Variants in CHCHD6 observed in about 807,000 individuals in gnomAD.
CHCHD6 encodes the protein coiled-coil-helix-coiled-coil-helix domain containing 6.
In CHCHD6, 28 loss-of-function variants were observed where a neutral mutation model predicts 32.3. That is an observed-to-expected ratio of 0.87 (90% CI 0.64 to 1.19). CHCHD6 has a LOEUF of 1.19. CHCHD6 is among the 50% of genes most tolerant of loss of function. The pLI, the probability that CHCHD6 is intolerant of heterozygous loss-of-function variation, is 0.00. For synonymous variants in CHCHD6, 122 were observed against 117.5 expected (o/e 1.04, Z -0.25); for missense variants, 333 against 307.0 (o/e 1.08, Z -0.63).
intron 5 of CHCHD6, among the ~76,000 whole-genome samples, chr3:126,861,759 TACCATCACCACCTCCCCCTCCACG>T (rs1941889486): frequency 6.4e-5 from 1 of 15,566 alleles, no homozygotes. Context: ...CCCCCTCCAC[TACCATCACCACCTCCCCCTCCACG>T]ACCATCACCA....
chr3:126,844,314 C>G (rs1460356824), intron 4 of CHCHD6, among the ~76,000 whole-genome samples: 1 of 152,148 alleles, frequency 6.6e-6, no homozygotes, highest in East Asian at 1.9e-4. Flanking sequence ...GAGAGCAGAT[C>G]AAAGTATTTG....
intron 6 of CHCHD6, among the ~76,000 whole-genome samples, chr3:126,945,489 C>T (rs902583420): frequency 7.0e-6 from 1 of 143,390 alleles, no homozygotes; most frequent in African/African-American, 2.6e-5. Flanking sequence ...CAGGGAGACT[C>T]TAGGTGGGAG....
At chr3:126,812,740 A>G (rs79184964) in intron 4 of CHCHD6, among the ~76,000 whole-genome samples, 2,055 of 151,992 alleles carry the variant, frequency 0.014, 45 homozygotes, top group African/African-American at 0.044. Flanking sequence ...CCGCATCTCC[A>G]TTCTTGCTTT....
chr3:126,767,131 A>G, intron 4 of CHCHD6: 2 of 1,553,176 alleles, frequency 1.3e-6, no homozygotes, highest in Non-Finnish European at 1.8e-6. Flanking sequence ...CCAGCTGACC[A>G]TATTCATGGC....
intron 4 of CHCHD6, among the ~76,000 whole-genome samples, chr3:126,824,655 C>T (rs1337734481): frequency 4.7e-5 from 7 of 150,478 alleles, no homozygotes; most frequent in African/African-American, 1.2e-4. Context: ...GGCACGATCT[C>T]GGCTCACCAT....
chr3:126,741,474 G>A (rs1576360582), intron 4 of CHCHD6, among the ~76,000 whole-genome samples: 2 of 152,078 alleles, frequency 1.3e-5, no homozygotes, highest in African/African-American at 2.4e-5. Context: ...CAGATGCCAT[G>A]GAGCATCCTA....
At position 126,727,159 on chromosome 3, in the gene CHCHD6, G is replaced by T. The variant is rs1178786637; in HGVS notation, c.169G>T (p.Asp57Tyr). 6.2e-7 allele frequency: 1 copy of T among 1,613,676 alleles called. No individual in the cohort carries two copies. Among genetic ancestry groups the T allele is most frequent in the East Asian group, 2.2e-5 (1 of 44,880 alleles). The change falls in exon 2 of 8, where the codon GAT becomes TAT. Residue 57 changes from aspartate (D) to tyrosine (Y), a missense_variant. Transcript: ENST00000290913. Reference protein sequence around the residue: ...APTSSTFGLQDGNLRAPHKES... With the variant: ...APTSSTFGLQYGNLRAPHKES... ...CACATCTTCTACCTTTGGCCTTCAAGATGGCAACTTGAGAGCCCCTCACAA... is the reference window on the plus strand; with the variant it reads ...CACATCTTCTACCTTTGGCCTTCAATATGGCAACTTGAGAGCCCCTCACAA...
intron 4 of CHCHD6, among the ~76,000 whole-genome samples, chr3:126,788,184 C>G (rs1297575084): frequency 2.0e-5 from 3 of 152,142 alleles, no homozygotes; most frequent in African/African-American, 4.8e-5. Context: ...CCCACTTGAT[C>G]ATGGTGGATA....
intron 4 of CHCHD6, among the ~76,000 whole-genome samples, chr3:126,824,057 G>A (rs1310779264): frequency 6.6e-6 from 1 of 152,108 alleles, no homozygotes; most frequent in Non-Finnish European, 1.5e-5. Flanking sequence ...TAGCCTGAGT[G>A]ACAGAGTGAG....
chr3:126,892,016 G>T (rs761526726), intron 5 of CHCHD6, among the ~76,000 whole-genome samples: 7 of 152,176 alleles, frequency 4.6e-5, no homozygotes, highest in Non-Finnish European at 1.0e-4. Context: ...GGCAGACATC[G>T]CAGGGGCCTT....
At chr3:126,908,965 C>T (rs1462909047) in intron 5 of CHCHD6, among the ~76,000 whole-genome samples, 4 of 152,222 alleles carry the variant, frequency 2.6e-5, no homozygotes, top group East Asian at 1.9e-4. Context: ...GGTCTGACCA[C>T]GGCATGCACA....
intron 5 of CHCHD6, chr3:126,865,675 C>A: frequency 1.0e-6 from 1 of 985,328 alleles, no homozygotes; most frequent in Non-Finnish European, 1.2e-6. Flanking sequence ...TCCCTCACTG[C>A]CCCCACTTCC....
At chr3:126,910,273 G>GAAAAAAAAAAAAAACA (rs547565601) in intron 5 of CHCHD6, among the ~76,000 whole-genome samples, 1 of 111,454 alleles carries the variant, frequency 9.0e-6, no homozygotes, top group Non-Finnish European at 1.8e-5. Context: ...CCTGCCTCAG[G>GAAAAAAAAAAAAAACA]AAAAAAAAAA....
intron 4 of CHCHD6, among the ~76,000 whole-genome samples, chr3:126,837,058 C>T (rs967528670): frequency 2.6e-5 from 4 of 152,164 alleles, no homozygotes; most frequent in East Asian, 3.8e-4. Flanking sequence ...ATTTCATTTC[C>T]GACCTTATCA....
chr3:126,946,847 C>G (rs2078646672), intron 6 of CHCHD6, among the ~76,000 whole-genome samples: 2 of 152,322 alleles, frequency 1.3e-5, no homozygotes, highest in Admixed American at 1.3e-4. Flanking sequence ...CATGTATTCA[C>G]CCCCCTGCTG....
intron 4 of CHCHD6, among the ~76,000 whole-genome samples, chr3:126,835,305 A>ACCTG (rs150152256): frequency 0.019 from 2,847 of 152,262 alleles, 49 homozygotes; most frequent in South Asian, 0.038. Flanking sequence ...GGTGTGGGGC[A>ACCTG]CCTGCCTGCC....
chr3:126,800,373 G>A (rs1469879937), intron 4 of CHCHD6, among the ~76,000 whole-genome samples: 1 of 152,136 alleles, frequency 6.6e-6, no homozygotes, highest in Non-Finnish European at 1.5e-5. Flanking sequence ...GTGGATGGTT[G>A]GTGGGTAATT....
At chr3:126,759,954 A>G (rs1286740786) in intron 4 of CHCHD6, among the ~76,000 whole-genome samples, 1 of 152,102 alleles carries the variant, frequency 6.6e-6, no homozygotes, top group East Asian at 1.9e-4. Context: ...CATGGTGGGA[A>G]GGCAAAGGGG....
intron 4 of CHCHD6, among the ~76,000 whole-genome samples, chr3:126,824,060 A>C (rs865942236): frequency 2.6e-5 from 4 of 152,174 alleles, no homozygotes; most frequent in African/African-American, 9.7e-5. Flanking sequence ...CCTGAGTGAC[A>C]GAGTGAGATT....
Sources: gnomAD v4.1 joint callset for allele counts (sites outside exome capture counted in the v4.1 genomes callset) on GRCh38, gnomAD v4.1.1 for gene constraint, MANE v1.5 for transcripts, NCBI Gene and HGNC (gene_info 2026-07-23, HGNC 2026-07-21) for gene names.